The following CLYBL variants were observed in gnomAD, a reference collection of about 807,000 sequenced individuals.
CLYBL encodes the protein citramalyl-CoA lyase, also known as citramalyl-CoA lyase, mitochondrial.
A neutral mutation model predicts 38.9 loss-of-function variants in CLYBL; 31 were observed. The ratio of observed to expected loss-of-function variants is 0.80; its 90% CI spans 0.60 to 1.08. CLYBL has a LOEUF of 1.08. Among genes scored for constraint, CLYBL ranks in the 50% least tolerant of loss-of-function variants. CLYBL has a pLI of 0.00. For missense variants in CLYBL, 434 were observed against 411.6 expected (o/e 1.05, Z -0.47); for synonymous variants, 171 against 158.6 (o/e 1.08, Z -0.59).
chr13:99,646,606 T>C (rs2047180431), intron 1 of CLYBL, among the ~76,000 whole-genome samples: 1 of 149,876 alleles, frequency 6.7e-6, no homozygotes. Context: ...CTCTGCCTCT[T>C]GGGTTCAAGC....
intron 1 of CLYBL, among the ~76,000 whole-genome samples, chr13:99,713,950 G>T (rs187800916): frequency 6.8e-4 from 103 of 151,072 alleles, no homozygotes; most frequent in African/African-American, 2.4e-3. Flanking sequence ...TTCCTAAAAT[G>T]CTAGGATTAC....
At chr13:99,689,519 T>A (rs7329724) in intron 1 of CLYBL, among the ~76,000 whole-genome samples, 10,232 of 152,258 alleles carry the variant, frequency 0.067, 1,163 homozygotes, top group African/African-American at 0.24. Flanking sequence ...TTTAATTCCA[T>A]GATTCTCAGC....
At chr13:99,744,656 G>T (rs1340216088) in intron 1 of CLYBL, among the ~76,000 whole-genome samples, 7 of 152,186 alleles carry the variant, frequency 4.6e-5, no homozygotes, top group African/African-American at 1.7e-4. Flanking sequence ...GATAGATGGC[G>T]ATTAAATTTC....
At chr13:99,608,847 C>CTTTTTTTTTTTTTTTTTT (rs57961216) in intron 1 of CLYBL, among the ~76,000 whole-genome samples, 2 of 87,872 alleles carry the variant, frequency 2.3e-5, no homozygotes, top group African/African-American at 5.5e-5. Flanking sequence ...AGTGATGAGT[C>CTTTTTTTTTTTTTTTTTT]TTTTTTTTTT....
intron 1 of CLYBL, among the ~76,000 whole-genome samples, chr13:99,772,513 A>G (rs1047694969): frequency 7.9e-5 from 12 of 152,140 alleles, no homozygotes; most frequent in Admixed American, 7.9e-4. Context: ...CCTGGGCAAC[A>G]TGACGAAATC....
At chr13:99,678,990 T>G (rs2047693154) in intron 1 of CLYBL, among the ~76,000 whole-genome samples, 1 of 152,178 alleles carries the variant, frequency 6.6e-6, no homozygotes, top group African/African-American at 2.4e-5. Flanking sequence ...TTCTAATATA[T>G]TGCTCATTAG....
chr13:99,630,593 A>G (rs1028565546), intron 1 of CLYBL, among the ~76,000 whole-genome samples: 2 of 152,086 alleles, frequency 1.3e-5, no homozygotes, highest in African/African-American at 2.4e-5. Context: ...GTATAAAGAC[A>G]TATTATTTTT....
chr13:99,709,287 C>T (rs1032868175), intron 1 of CLYBL, among the ~76,000 whole-genome samples: 1 of 152,164 alleles, frequency 6.6e-6, no homozygotes, highest in East Asian at 1.9e-4. Flanking sequence ...CCTGCTGACA[C>T]CTCAGTTTCA....
At chr13:99,876,069 C>CTTT (rs10625169) in intron 7 of CLYBL, among the ~76,000 whole-genome samples, 3,478 of 106,586 alleles carry the variant, frequency 0.033, 164 homozygotes, top group South Asian at 0.078. Flanking sequence ...TTCTATTTCA[C>CTTT]TTTTTTTTTT....
intron 1 of CLYBL, among the ~76,000 whole-genome samples, chr13:99,740,307 C>T (rs987669540): frequency 6.6e-6 from 1 of 152,224 alleles, no homozygotes; most frequent in African/African-American, 2.4e-5. Context: ...ACACAATCAG[C>T]ATGTGTGCTA....
intron 2 of CLYBL, among the ~76,000 whole-genome samples, chr13:99,783,462 AT>A (rs57118720): frequency 0.8 from 118,306 of 147,876 alleles, 47,827 homozygotes; most frequent in African/African-American, 0.94. Context: ...TTGGGGTGTA[AT>A]TTTTTTTTTT....
intron 1 of CLYBL, among the ~76,000 whole-genome samples, chr13:99,770,539 G>A (rs905328546): frequency 2.0e-5 from 3 of 152,018 alleles, no homozygotes; most frequent in African/African-American, 7.2e-5. Context: ...GGATATTCTG[G>A]ATCTCCTGAC....
chr13:99,760,903 A>G (rs1197074510), intron 1 of CLYBL, among the ~76,000 whole-genome samples: 1 of 152,256 alleles, frequency 6.6e-6, no homozygotes, highest in Non-Finnish European at 1.5e-5. Flanking sequence ...CTATTTGGAA[A>G]TATACAATAG....
At chr13:99,861,531 A>G (rs1210694878) in intron 3 of CLYBL, among the ~76,000 whole-genome samples, 1 of 152,136 alleles carries the variant, frequency 6.6e-6, no homozygotes, top group East Asian at 1.9e-4. Flanking sequence ...ATTATATTTT[A>G]TTTTCATCTA....
At position 99,891,380 on chromosome 13, in the gene CLYBL, T is replaced by C; in HGVS notation, c.990T>C (p.Thr330=). Residue 330 remains threonine (T), a synonymous_variant, in exon 8 of 9, where the codon ACT becomes ACC. Coordinates refer to ENST00000339105, the MANE Select transcript of CLYBL (RefSeq NM_206808.5). ...DMPLLKQAQN[T]VTLATSIKEK ...CATTACTGAAGCAGGCCCAGAACAC[T>C]GTTACGCTTGCCACCTCCATCAAGG... The C allele has an allele frequency of 1.2e-6, 2 of 1,613,932 alleles. No homozygotes were observed. Among genetic ancestry groups the C allele is most frequent in the Admixed American group, 3.3e-5 (2 of 60,014 alleles).
exon 10 of CLYBL, among the ~76,000 whole-genome samples, chr13:99,908,104 C>G (rs1404435863): frequency 2.0e-5 from 3 of 152,244 alleles, no homozygotes; most frequent in African/African-American, 2.4e-5. Context: ...TCTGATGCAA[C>G]TGACATCCTC....
At chr13:99,655,211 G>C (rs2047313204) in intron 1 of CLYBL, among the ~76,000 whole-genome samples, 1 of 151,804 alleles carries the variant, frequency 6.6e-6, no homozygotes, top group South Asian at 2.1e-4. Context: ...AAGTAGCTGG[G>C]ATTACAGGCA....
chr13:99,699,686 C>T lies in CLYBL; in HGVS notation c.63-73138C>T, dbSNP rs1014997412. Reference sequence around the variant, plus strand: ...CCAGCCTGGGTGACAGACCAAGACTCCGTCTCAAAAAAAAAAATAAAAATA... The same window carrying T: ...CCAGCCTGGGTGACAGACCAAGACTTCGTCTCAAAAAAAAAAATAAAAATA... On this transcript the variant is annotated intron_variant, in intron 1 of 8. Coordinates refer to ENST00000339105, the MANE Select transcript of CLYBL (RefSeq NM_206808.5). 2.0e-5 allele frequency among the ~76,000 whole-genome samples: 3 copies of T among 146,802 alleles called. No homozygotes were observed. The Admixed American group carries it at 2.1e-4, about 10-fold the overall frequency.
chr13:99,680,311 C>T lies in CLYBL; in HGVS notation c.62+73554C>T, dbSNP rs545053354. ...GATGCAGTCCACCCTTCCATAAAAA[C>T]GTACTCCAATTTTCCTAGATTCTAC... On this transcript the variant is annotated intron_variant, in intron 1 of 8. Transcript: ENST00000339105. Among the ~76,000 whole-genome samples the T allele has an allele frequency of 2.6e-5, 4 of 152,298 alleles. 1 individual carries two copies. Among genetic ancestry groups the T allele is most frequent in the African/African-American group, 9.6e-5 (4 of 41,568 alleles).
Sources: allele counts gnomAD v4.1 joint callset (sites outside exome capture counted in the v4.1 genomes callset), GRCh38; gene constraint gnomAD v4.1.1; transcripts MANE v1.5; gene names NCBI Gene and HGNC (gene_info 2026-07-23, HGNC 2026-07-21).